EYS: variants seen among roughly 807,000 people sequenced by gnomAD.
The protein encoded by EYS is protein eyes shut homolog.
EYS carries 250 observed loss-of-function variants against 282.1 expected under a neutral mutation model. The observed-to-expected ratio is 0.89, with a 90% CI of 0.80 to 0.98. EYS has a LOEUF of 0.98. Ranked by LOEUF, EYS falls within the 50% of genes least tolerant of loss-of-function variation. The probability of loss-of-function intolerance (pLI) is 0.00; values close to 1 mark genes in which losing one functional copy is unlikely to be tolerated. For missense variants in EYS, 4,016 were observed against 3,709.0 expected, an observed-to-expected ratio of 1.08 and a Z score of -2.15; for synonymous variants, 1,355 against 1,282.9, an observed-to-expected ratio of 1.06 and a Z score of -1.20.
chr6:65,645,296 C>A (rs891468610), intron 1 of EYS, among the ~76,000 whole-genome samples: 2 of 152,054 alleles, frequency 1.3e-5, no homozygotes, highest in Non-Finnish European at 2.9e-5. Context: ...ACAAATAAGT[C>A]TCAGTAAATT....
At chr6:64,344,895 T>TA (rs1335741376) in intron 29 of EYS, among the ~76,000 whole-genome samples, 1 of 152,102 alleles carries the variant, frequency 6.6e-6, no homozygotes, top group East Asian at 1.9e-4. Flanking sequence ...AGCACTCCTA[T>TA]ACACCAATAA....
chr6:64,648,128 A>C (rs1212714403), intron 22 of EYS, among the ~76,000 whole-genome samples: 1 of 152,092 alleles, frequency 6.6e-6, no homozygotes, highest in Non-Finnish European at 1.5e-5. Flanking sequence ...TCTCTCATAC[A>C]CTCATAGCCT....
intron 19 of EYS, among the ~76,000 whole-genome samples, chr6:64,872,525 G>C (rs952245085): frequency 6.6e-6 from 1 of 152,030 alleles, no homozygotes. Context: ...ACACATGGAA[G>C]TGGAAGTCAA....
chr6:65,626,335 T>G (rs1766690298), intron 2 of EYS, among the ~76,000 whole-genome samples: 1 of 152,220 alleles, frequency 6.6e-6, no homozygotes, highest in Non-Finnish European at 1.5e-5. Context: ...ACCTAGAGTT[T>G]GCTTGAATTC....
At chr6:64,900,847 T>C (rs946264704) in intron 18 of EYS, among the ~76,000 whole-genome samples, 2 of 152,112 alleles carry the variant, frequency 1.3e-5, no homozygotes, top group African/African-American at 2.4e-5. Context: ...TCCTCAAGGA[T>C]CTAGAACTAG....
At chr6:65,436,035 T>TA (rs1768063974) in intron 5 of EYS, among the ~76,000 whole-genome samples, 1 of 152,174 alleles carries the variant, frequency 6.6e-6, no homozygotes, top group African/African-American at 2.4e-5. Flanking sequence ...CCCTTTTTTT[T>TA]ACGATTGTCC....
intron 36 of EYS, among the ~76,000 whole-genome samples, chr6:63,850,859 A>G (rs888931983): frequency 6.6e-6 from 1 of 152,244 alleles, no homozygotes; most frequent in Non-Finnish European, 1.5e-5. Context: ...TAAATGCCCC[A>G]ATTAAAAGAC....
At chr6:64,156,419 G>A (rs1302201149) in intron 31 of EYS, among the ~76,000 whole-genome samples, 2 of 152,132 alleles carry the variant, frequency 1.3e-5, no homozygotes, top group African/African-American at 2.4e-5. Context: ...GTCTTTATCA[G>A]CAATGTGAAA....
chr6:63,916,294 TA>T (rs1315351942), intron 35 of EYS, among the ~76,000 whole-genome samples: 1 of 152,226 alleles, frequency 6.6e-6, no homozygotes, highest in African/African-American at 2.4e-5. Flanking sequence ...ATAAATGTAG[TA>T]GTGGAAACTT....
intron 11 of EYS, among the ~76,000 whole-genome samples, chr6:65,322,077 T>C (rs2150305908): frequency 6.6e-6 from 1 of 152,342 alleles, no homozygotes; most frequent in South Asian, 2.1e-4. Context: ...ACGCTTAGCC[T>C]AATTAATGTG....
Position 64,066,391 on chromosome 6 carries a change from A to G in EYS, c.6672T>C (p.Thr2224=). 1 of 1,551,648 alleles carries G rather than the reference A, an allele frequency of 6.4e-7. No homozygotes were observed. The highest frequency in any genetic ancestry group is 8.7e-7 in the Non-Finnish European group (1 of 1,146,746). The change falls in exon 33 of 43, where the codon ACT becomes ACC. Residue 2224 remains threonine (T), a synonymous_variant. Transcript: ENST00000503581. ...TGTTAATGCTGTAATTAGCAGAAAC[A>G]GTCAAAATATTTTGAGAATTTCCAC... ...YGCGNSQNIL[T]VSANYSINTN...
chr6:65,536,234 G>C (rs1767959672), intron 2 of EYS, among the ~76,000 whole-genome samples: 1 of 151,744 alleles, frequency 6.6e-6, no homozygotes, highest in African/African-American at 2.4e-5. Flanking sequence ...TAAAAAAATA[G>C]CACCGAGACC....
chr6:65,237,987 T>A (rs1314698443), intron 12 of EYS, among the ~76,000 whole-genome samples: 1 of 152,124 alleles, frequency 6.6e-6, no homozygotes, highest in African/African-American at 2.4e-5. Flanking sequence ...AATGGTCATG[T>A]AAAACCATAA....
At chr6:64,243,124 A>C (rs921360064) in intron 30 of EYS, among the ~76,000 whole-genome samples, 2 of 150,714 alleles carry the variant, frequency 1.3e-5, no homozygotes, top group African/African-American at 4.9e-5. Context: ...AAAATCTCCA[A>C]CTAAATAAAA....
Position 65,384,504 on chromosome 6 carries a change from TA to T in EYS, c.1185-5del. On this transcript the variant is annotated splice_polypyrimidine_tract_variant and splice_region_variant and intron_variant, in intron 7 of 42. Coordinates refer to ENST00000503581, the MANE Select transcript of EYS (RefSeq NM_001142800.2). ...TTCAGTAAATCCTGATATACAGCTG[TA>T]AATACATCAGTGTAAATTAGAAAAA... The T allele has an allele frequency of 7.3e-7, 1 of 1,378,020 alleles. No individual in the cohort carries two copies. Among genetic ancestry groups the T allele is most frequent in the African/African-American group, 1.4e-5 (1 of 70,318 alleles). 85.4% of individuals were successfully genotyped at this position (1,378,020 alleles called of 1,614,324 possible). A position where few individuals can be genotyped will look rare whatever the true frequency, so the allele number is the denominator to read the frequency against.
intron 29 of EYS, among the ~76,000 whole-genome samples, chr6:64,340,706 A>G (rs1771069051): frequency 6.6e-6 from 1 of 151,874 alleles, no homozygotes; most frequent in East Asian, 1.9e-4. Context: ...AACAAAACCA[A>G]AAACTGATAA....
intron 16 of EYS, among the ~76,000 whole-genome samples, chr6:64,904,775 G>A (rs980952383): frequency 6.6e-6 from 1 of 152,098 alleles, no homozygotes. Flanking sequence ...GAACACTCAG[G>A]GCCCAGGACC....
intron 19 of EYS, among the ~76,000 whole-genome samples, chr6:64,867,369 G>A (rs903963351): frequency 6.6e-6 from 1 of 151,584 alleles, no homozygotes; most frequent in Non-Finnish European, 1.5e-5. Context: ...GTGTAAGGTG[G>A]AAATATGCTT....
At chr6:63,786,937 C>A (rs1562025820) in intron 39 of EYS, among the ~76,000 whole-genome samples, 1 of 152,010 alleles carries the variant, frequency 6.6e-6, no homozygotes, top group Non-Finnish European at 1.5e-5. Context: ...AAGTTGGTAA[C>A]AATACGCCAT....
Sources: allele counts gnomAD v4.1 joint callset (sites outside exome capture counted in the v4.1 genomes callset), GRCh38; gene constraint gnomAD v4.1.1; transcripts MANE v1.5; gene names NCBI Gene and HGNC (gene_info 2026-07-23, HGNC 2026-07-21).